PLCB4: variants seen among roughly 807,000 people sequenced by gnomAD.
PLCB4 encodes the protein phospholipase C beta 4, also known as 1-phosphatidylinositol 4,5-bisphosphate phosphodiesterase beta-4.
Under a neutral mutation model 178.8 loss-of-function variants are expected in PLCB4, and 77 were observed. That is an observed-to-expected ratio of 0.43 (90% CI 0.36 to 0.52). The LOEUF (loss-of-function observed/expected upper bound fraction) is 0.52. PLCB4 is among the 20% of genes least tolerant of loss of function. The probability of loss-of-function intolerance (pLI) is 0.00; values close to 1 mark genes in which losing one functional copy is unlikely to be tolerated. For synonymous variants in PLCB4, 496 were observed against 490.8 expected, an observed-to-expected ratio of 1.01 and a Z score of -0.14; for missense variants, 1,024 against 1,453.4, an observed-to-expected ratio of 0.70 and a Z score of 4.80.
intron 3 of PLCB4, among the ~76,000 whole-genome samples, chr20:9,280,828 G>A (rs145334803): frequency 3.4e-4 from 51 of 151,814 alleles, no homozygotes; most frequent in African/African-American, 1.2e-3. Context: ...TCAGAAATGT[G>A]GTTCTGTATG....
intron 7 of PLCB4, among the ~76,000 whole-genome samples, chr20:9,349,063 A>AAG (rs2034087031): frequency 6.6e-6 from 1 of 152,056 alleles, no homozygotes; most frequent in Non-Finnish European, 1.5e-5. Flanking sequence ...TAAAAAAAAA[A>AAG]AAAGAAAAGA....
chr20:9,199,289 A>G (rs1437053624), intron 2 of PLCB4, among the ~76,000 whole-genome samples: 2 of 152,202 alleles, frequency 1.3e-5, no homozygotes, highest in African/African-American at 2.4e-5. Context: ...AAAGAAGGAT[A>G]TAAAAATGGA....
intron 1 of PLCB4, among the ~76,000 whole-genome samples, chr20:9,079,654 A>G (rs939126196): frequency 1.3e-5 from 2 of 152,202 alleles, no homozygotes; most frequent in Admixed American, 6.5e-5. Flanking sequence ...AGAGGTTTGC[A>G]TGGTTGAGTG....
At chr20:9,156,975 A>G (rs1016749764) in intron 2 of PLCB4, among the ~76,000 whole-genome samples, 10 of 151,612 alleles carry the variant, frequency 6.6e-5, no homozygotes, top group African/African-American at 2.2e-4. Context: ...TCCCCCAGAG[A>G]GCAGACACGG....
chr20:9,436,661 C>T (rs141174162), intron 29 of PLCB4, among the ~76,000 whole-genome samples: 27 of 152,250 alleles, frequency 1.8e-4, no homozygotes, highest in African/African-American at 5.5e-4. Flanking sequence ...GCCAAAATGG[C>T]GTTTATTATT....
intron 2 of PLCB4, among the ~76,000 whole-genome samples, chr20:9,156,095 G>T (rs941439004): frequency 5.9e-5 from 9 of 152,060 alleles, no homozygotes; most frequent in Non-Finnish European, 1.3e-4. Flanking sequence ...AATTATGATG[G>T]TCACTAAGAA....
intron 3 of PLCB4, among the ~76,000 whole-genome samples, chr20:9,258,029 A>G (rs1285576899): frequency 6.6e-6 from 1 of 152,180 alleles, no homozygotes; most frequent in Non-Finnish European, 1.5e-5. Context: ...TTGGAAAAAA[A>G]AATTAATGAA....
In PLCB4 at chr20:9,250,769, A is replaced by G. The variant is rs187141669; in HGVS notation, c.-16+33317A>G. On this transcript the variant is annotated intron_variant, in intron 3 of 39. Coordinates refer to ENST00000378473, the MANE Select transcript of PLCB4 (RefSeq NM_001377142.1). ...CAAACTCCATGCTTATTACACATTT[A>G]GTACCTCACAAACTACATCTCATGT... 1.6e-4 allele frequency among the ~76,000 whole-genome samples: 25 copies of G among 152,354 alleles called. No homozygotes were observed. In the East Asian group the frequency reaches 4.8e-3, roughly 29 times the overall value.
At chr20:9,279,029 A>T (rs2094472798) in intron 3 of PLCB4, among the ~76,000 whole-genome samples, 1 of 152,090 alleles carries the variant, frequency 6.6e-6, no homozygotes, top group Admixed American at 6.6e-5. Context: ...GGATGGTTAC[A>T]TCTAGGTAAG....
intron 20 of PLCB4, among the ~76,000 whole-genome samples, chr20:9,404,902 C>G (rs780388498): frequency 6.6e-6 from 1 of 152,158 alleles, no homozygotes; most frequent in African/African-American, 2.4e-5. Flanking sequence ...CAAATGCCAT[C>G]ACATGAGAAT....
chr20:9,353,241 A>G (rs1466857524), intron 7 of PLCB4, among the ~76,000 whole-genome samples: 1 of 152,114 alleles, frequency 6.6e-6, no homozygotes, highest in African/African-American at 2.4e-5. Flanking sequence ...TATCAACTGG[A>G]CTTGTGTAGG....
At chr20:9,243,260 C>T (rs1035951201) in intron 3 of PLCB4, among the ~76,000 whole-genome samples, 1 of 152,114 alleles carries the variant, frequency 6.6e-6, no homozygotes, top group Non-Finnish European at 1.5e-5. Context: ...TTGATGAACC[C>T]AGAGAGTACA....
chr20:9,348,318 A>G (rs1382499518), intron 7 of PLCB4, among the ~76,000 whole-genome samples: 1 of 152,228 alleles, frequency 6.6e-6, no homozygotes, highest in Non-Finnish European at 1.5e-5. Context: ...TGTGGAATCC[A>G]GAGGTTTTGT....
chr20:9,408,084 G>T (rs148930522), intron 22 of PLCB4, 26 bp downstream of exon 22: 3 of 1,576,474 alleles, frequency 1.9e-6, no homozygotes, highest in Admixed American at 3.9e-5. Flanking sequence ...AAATGCAGTC[G>T]CCTTTTTTGC....
At chr20:9,378,612 T>C (rs1285153725) in intron 12 of PLCB4, among the ~76,000 whole-genome samples, 1 of 152,164 alleles carries the variant, frequency 6.6e-6, no homozygotes, top group African/African-American at 2.4e-5. Context: ...CCCATAACTT[T>C]TGTTCTTGGT....
Position 9,255,367 on chromosome 20 carries a change from G to A in PLCB4, c.-16+37915G>A, listed in dbSNP as rs578042897. On this transcript the variant is annotated intron_variant, in intron 3 of 39. Transcript: ENST00000378473. ...TGAGGCCCTCAGCCAATAGGATTTT[G>A]TAGGCGTGCTGGGCTTTTAGACATT... is the stretch of plus-strand genomic sequence containing the variant. Among the ~76,000 whole-genome samples, 5 of 152,270 alleles carry A rather than the reference G, an allele frequency of 3.3e-5. No individual in the cohort carries two copies. The East Asian group carries it at 9.7e-4, about 29-fold the overall frequency.
intron 2 of PLCB4, among the ~76,000 whole-genome samples, chr20:9,099,327 G>A (rs1213198577): frequency 6.6e-6 from 1 of 152,064 alleles, no homozygotes; most frequent in Admixed American, 6.6e-5. Flanking sequence ...TATTAGATTA[G>A]GTTACTAGGG....
At chr20:9,182,255 C>T (rs187857716) in intron 2 of PLCB4, among the ~76,000 whole-genome samples, 1 of 152,240 alleles carries the variant, frequency 6.6e-6, no homozygotes, top group Non-Finnish European at 1.5e-5. Context: ...TGGTTTACCC[C>T]ATGTAAAGTG....
intron 3 of PLCB4, among the ~76,000 whole-genome samples, chr20:9,258,742 T>C (rs58992461): frequency 0.25 from 36,355 of 145,376 alleles, 4,822 homozygotes; most frequent in East Asian, 0.38. Context: ...AAAAAGATAA[T>C]TTCTAGAGGA....
Sources: gnomAD v4.1 joint callset for allele counts (sites outside exome capture counted in the v4.1 genomes callset) on GRCh38, gnomAD v4.1.1 for gene constraint, MANE v1.5 for transcripts, NCBI Gene and HGNC (gene_info 2026-07-23, HGNC 2026-07-21) for gene names.